The following CHRM2 variants were observed in gnomAD, a reference collection of about 807,000 sequenced individuals.
CHRM2 encodes cholinergic receptor muscarinic 2.
Under a neutral mutation model 25.0 loss-of-function variants are expected in CHRM2, and 8 were observed. The ratio of observed to expected loss-of-function variants is 0.32; its 90% CI spans 0.19 to 0.58. The LOEUF is 0.58. CHRM2 is among the 20% of genes least tolerant of loss of function. The probability of loss-of-function intolerance (pLI) is 0.88; values close to 1 mark genes in which losing one functional copy is unlikely to be tolerated. For missense variants in CHRM2, 440 were observed against 567.1 expected (o/e 0.78, Z 2.28); for synonymous variants, 202 against 205.7 (o/e 0.98, Z 0.15).
intron 2 of CHRM2, among the ~76,000 whole-genome samples, chr7:136,921,067 C>T (rs1352011045): frequency 1.3e-5 from 2 of 152,104 alleles, no homozygotes; most frequent in Admixed American, 1.3e-4. Flanking sequence ...CTAGAAAATG[C>T]TTCCAGACTC....
intron 2 of CHRM2, among the ~76,000 whole-genome samples, chr7:136,979,847 G>T (rs573709888): frequency 5.9e-5 from 9 of 152,240 alleles, no homozygotes; most frequent in South Asian, 4.1e-4. Flanking sequence ...GGCTACTGTG[G>T]CCTTGTAGTA....
chr7:136,901,387 C>T (rs1404824196), intron 2 of CHRM2, among the ~76,000 whole-genome samples: 2 of 151,972 alleles, frequency 1.3e-5, no homozygotes, highest in African/African-American at 2.4e-5. Flanking sequence ...GGCTTTACCA[C>T]GTAGGCAAAT....
chr7:136,992,742 T>C (rs374287415), intron 3 of CHRM2, among the ~76,000 whole-genome samples: 1 of 152,196 alleles, frequency 6.6e-6, no homozygotes, highest in South Asian at 2.1e-4. Flanking sequence ...TCCCTCTGTC[T>C]TTCTCTCTAT....
intron 2 of CHRM2, among the ~76,000 whole-genome samples, chr7:136,971,267 C>T (rs1000421210): frequency 2.0e-5 from 3 of 152,144 alleles, no homozygotes; most frequent in Non-Finnish European, 4.4e-5. Flanking sequence ...GACTAGAACT[C>T]AGCTTCACTG....
intron 3 of CHRM2, among the ~76,000 whole-genome samples, chr7:137,003,639 C>T (rs117396018): frequency 0.012 from 1,827 of 152,178 alleles, 21 homozygotes; most frequent in Middle Eastern, 0.024. Flanking sequence ...CAGAATCCTA[C>T]TCTAACATGT....
At chr7:136,898,099 A>G (rs76654977) in intron 2 of CHRM2, among the ~76,000 whole-genome samples, 3,086 of 152,238 alleles carry the variant, frequency 0.02, 100 homozygotes, top group African/African-American at 0.07. Context: ...CTTTAGCTGA[A>G]GAGTTGAAAA....
At chr7:136,957,115 G>T (rs1800770167) in intron 2 of CHRM2, among the ~76,000 whole-genome samples, 1 of 152,300 alleles carries the variant, frequency 6.6e-6, no homozygotes, top group South Asian at 2.1e-4. Flanking sequence ...ACTTCACTTT[G>T]TGCTGGAAAG....
At position 136,889,865 on chromosome 7, in the gene CHRM2, G is replaced by A. The variant is rs191551027; in HGVS notation, c.-125+20447G>A. ...TTTAAAATTATGTTTAAATTCGTTAGACTTAGTTATTCCTGTTGGACTCAG... is the reference window on the plus strand; with the variant it reads ...TTTAAAATTATGTTTAAATTCGTTAAACTTAGTTATTCCTGTTGGACTCAG... On this transcript the variant is annotated intron_variant, in intron 2 of 3. Coordinates refer to ENST00000680005, the MANE Select transcript of CHRM2 (RefSeq NM_001006630.2). 3.3e-5 allele frequency among the ~76,000 whole-genome samples: 5 copies of A among 152,152 alleles called. No individual in the cohort carries two copies. The East Asian group carries it at 9.7e-4, about 29-fold the overall frequency.
intron 2 of CHRM2, among the ~76,000 whole-genome samples, chr7:136,912,606 G>T (rs1223886137): frequency 2.0e-5 from 3 of 151,744 alleles, no homozygotes; most frequent in Non-Finnish European, 4.4e-5. Context: ...ATGGGTAGCA[G>T]AGCCACCGTT....
chr7:136,935,306 G>A (rs1799348033), intron 2 of CHRM2, among the ~76,000 whole-genome samples: 1 of 152,132 alleles, frequency 6.6e-6, no homozygotes, highest in South Asian at 2.1e-4. Flanking sequence ...TATAAAGCAT[G>A]CGGCATCAAT....
chr7:136,884,019 A>C (rs1335847096), intron 2 of CHRM2, among the ~76,000 whole-genome samples: 1 of 152,150 alleles, frequency 6.6e-6, no homozygotes, highest in African/African-American at 2.4e-5. Flanking sequence ...GGTTTTCATT[A>C]ATCATTGCAG....
chr7:137,016,214 C>A lies in CHRM2; in HGVS notation c.1349C>A (p.Thr450Asn). 6.2e-7 allele frequency: 1 copy of A among 1,612,954 alleles called. No individual in the cohort carries two copies. Among genetic ancestry groups the A allele is most frequent in the Non-Finnish European group, 8.5e-7 (1 of 1,179,290 alleles). Residue 450 changes from threonine (T) to asparagine (N), a missense_variant, in exon 4 of 4, where the codon ACC becomes AAC. By Grantham distance (65) the Thr-to-Asn change is moderately conservative. Coordinates refer to ENST00000680005, the MANE Select transcript of CHRM2 (RefSeq NM_001006630.2). Reference sequence around the variant, plus strand: ...CTTTGCAATGCCACCTTCAAGAAGACCTTTAAACACCTTCTCATGTGTCAT... The same window carrying A: ...CTTTGCAATGCCACCTTCAAGAAGAACTTTAAACACCTTCTCATGTGTCAT... ...YALCNATFKKTFKHLLMCHYK... is the reference protein window; with the variant it reads ...YALCNATFKKNFKHLLMCHYK...
intron 2 of CHRM2, among the ~76,000 whole-genome samples, chr7:136,982,212 C>CT (rs1316963234): frequency 1.3e-5 from 2 of 152,060 alleles, no homozygotes; most frequent in African/African-American, 4.8e-5. Context: ...ACTTCTTCGT[C>CT]TTTTTTGATC....
chr7:136,958,563 C>T (rs1273840950), intron 2 of CHRM2, among the ~76,000 whole-genome samples: 1 of 150,422 alleles, frequency 6.6e-6, no homozygotes, highest in Non-Finnish European at 1.5e-5. Flanking sequence ...CTAAAGCCAT[C>T]CTCTCACCTC....
intron 2 of CHRM2, among the ~76,000 whole-genome samples, chr7:136,939,525 CT>C (rs1233138316): frequency 6.6e-6 from 1 of 152,136 alleles, no homozygotes; most frequent in Non-Finnish European, 1.5e-5. Context: ...CACAAAAGGA[CT>C]TTTTATATGT....
intron 2 of CHRM2, among the ~76,000 whole-genome samples, chr7:136,986,399 T>C (rs1802857507): frequency 6.6e-6 from 1 of 152,160 alleles, no homozygotes; most frequent in South Asian, 2.1e-4. Flanking sequence ...AGGCCCAATC[T>C]CATTAACAAT....
intron 2 of CHRM2, among the ~76,000 whole-genome samples, chr7:136,972,763 C>G (rs364050): frequency 1.8e-5 from 2 of 108,134 alleles, no homozygotes; most frequent in Non-Finnish European, 4.1e-5. Flanking sequence ...TGGCAGGTGA[C>G]GATGGTGACG....
intron 2 of CHRM2, among the ~76,000 whole-genome samples, chr7:136,875,206 A>G (rs1796006914): frequency 6.6e-6 from 1 of 151,444 alleles, no homozygotes; most frequent in South Asian, 2.1e-4. Context: ...ATATATACAT[A>G]TATACATATA....
intron 2 of CHRM2, among the ~76,000 whole-genome samples, chr7:136,962,004 C>T (rs770999740): frequency 3.9e-5 from 6 of 152,108 alleles, no homozygotes; most frequent in Admixed American, 6.5e-5. Flanking sequence ...AATAGCTTCT[C>T]AGCAACCTTT....
Sources: gnomAD v4.1 joint callset for allele counts (sites outside exome capture counted in the v4.1 genomes callset) on GRCh38, gnomAD v4.1.1 for gene constraint, MANE v1.5 for transcripts, NCBI Gene and HGNC (gene_info 2026-07-23, HGNC 2026-07-21) for gene names.